Variants in TRMT44 observed in about 807,000 individuals in gnomAD.
TRMT44 encodes probable tRNA (uracil-O(2)-)-methyltransferase.
TRMT44 carries 78 observed loss-of-function variants against 77.3 expected under a neutral mutation model. That is an observed-to-expected ratio of 1.01 (90% CI 0.84 to 1.22). The LOEUF is 1.22. TRMT44 is among the 50% of genes most tolerant of loss of function. The pLI is 0.00. For synonymous variants in TRMT44, 391 were observed against 383.3 expected (o/e 1.02, Z -0.23); for missense variants, 1,090 against 964.4 (o/e 1.13, Z -1.73).
downstream of TRMT44, among the ~76,000 whole-genome samples, chr4:8,498,481 A>C (rs1728214373): frequency 6.6e-6 from 1 of 152,210 alleles, no homozygotes; most frequent in African/African-American, 2.4e-5. The surrounding 1 kb of genome is among the most constrained non-coding windows in gnomAD (Gnocchi z 4.3). Flanking sequence ...GGAGACTTAC[A>C]ATCATGGCGG....
At chr4:8,491,488 G>A (rs769223683) in intron 2 of TRMT44, among the ~76,000 whole-genome samples, 7 of 152,330 alleles carry the variant, frequency 4.6e-5, no homozygotes, top group Non-Finnish European at 5.9e-5. Flanking sequence ...GGCTCGGGCC[G>A]CACAGGAGCC....
chr4:8,472,137 G>A (rs1317953403), intron 10 of TRMT44, among the ~76,000 whole-genome samples: 1 of 152,028 alleles, frequency 6.6e-6, no homozygotes, highest in Non-Finnish European at 1.5e-5. Context: ...TCACCACCAT[G>A]CCCTAAGCAC....
chr4:8,471,774 C>T (rs945309071), intron 10 of TRMT44, among the ~76,000 whole-genome samples: 4 of 152,222 alleles, frequency 2.6e-5, no homozygotes, highest in African/African-American at 7.2e-5. Flanking sequence ...GCCCTCCACC[C>T]GCTTGTCCAT....
intron 6 of TRMT44, among the ~76,000 whole-genome samples, chr4:8,458,404 C>T (rs13132875): frequency 0.06 from 9,029 of 151,638 alleles, 316 homozygotes; most frequent in Middle Eastern, 0.11. Flanking sequence ...TTGTGATGGT[C>T]GGTCCACTTC....
intron 2 of TRMT44, among the ~76,000 whole-genome samples, chr4:8,488,475 G>T (rs187453175): frequency 1.3e-5 from 2 of 152,244 alleles, no homozygotes. Flanking sequence ...AAGGTGCTCC[G>T]TGGGGAAGCT....
At chr4:8,507,176 G>A in the TRMT44 span, 23 of 152,274 alleles carry the variant, frequency 1.5e-4, no homozygotes, top group African/African-American at 5.3e-4. Flanking sequence ...GGCCGGCTCC[G>A]AGCAGGCACA....
At chr4:8,456,660 T>C (rs1579054782) in intron 6 of TRMT44, among the ~76,000 whole-genome samples, 1 of 152,144 alleles carries the variant, frequency 6.6e-6, no homozygotes, top group South Asian at 2.1e-4. Flanking sequence ...GGTTGCAGGA[T>C]TGCTACAAGA....
chr4:8,470,875 G>A lies in TRMT44; in HGVS notation c.1928-209G>A, dbSNP rs368911687. 2.1e-4 allele frequency: 103 copies of A among 498,666 alleles called. No homozygotes were observed. The East Asian group carries it at 2.3e-3, about 11-fold the overall frequency. The allele number at this position is 498,666 out of a possible 1,614,324, so 30.9% of individuals were successfully genotyped here. A position where few individuals can be genotyped will look rare whatever the true frequency, so the allele number is the denominator to read the frequency against. ...GCATGTGTGGGGCTGCGTCTTGTCA[G>A]GCTGTGCCACCTTAGCTGGGTGGGG... On this transcript the variant is annotated intron_variant, in intron 9 of 10. Transcript: ENST00000389737.
At chr4:8,497,324 GT>G (rs1347142029), downstream of TRMT44, among the ~76,000 whole-genome samples, 1 of 152,200 alleles carries the variant, frequency 6.6e-6, no homozygotes, top group Non-Finnish European at 1.5e-5. Context: ...AACTGCTTTT[GT>G]TTTGCTTTTG....
chr4:8,513,162 C>A, the TRMT44 span, among the ~76,000 whole-genome samples: 1 of 152,218 alleles, frequency 6.6e-6, no homozygotes, highest in Non-Finnish European at 1.5e-5. Context: ...AAAGAAATAC[C>A]TGAGACTGGG....
chr4:8,450,635 G>A (rs764890367), intron 3 of TRMT44, among the ~76,000 whole-genome samples: 1 of 152,062 alleles, frequency 6.6e-6, no homozygotes, highest in African/African-American at 2.4e-5. Context: ...GGGAAGTCAG[G>A]GACCCCGAAT....
At chr4:8,505,116 GC>G in the TRMT44 span, among the ~76,000 whole-genome samples, 2 of 152,180 alleles carry the variant, frequency 1.3e-5, no homozygotes, top group Non-Finnish European at 2.9e-5. Context: ...TACACTGAGG[GC>G]CCTGGCAGCC....
At chr4:8,455,993 A>G in intron 6 of TRMT44, among the ~76,000 whole-genome samples, 1 of 152,244 alleles carries the variant, frequency 6.6e-6, no homozygotes, top group East Asian at 1.9e-4. Context: ...ATACTAGTCT[A>G]TTTTACCATT....
At chr4:8,470,827 G>A (rs1295398672) in intron 9 of TRMT44, 2 of 346,630 alleles carry the variant, frequency 5.8e-6, no homozygotes, top group Non-Finnish European at 1.1e-5. Context: ...ATCACCTGAC[G>A]CCTGGCCCTG....
At chr4:8,479,856 C>T (rs562564410), downstream of TRMT44, among the ~76,000 whole-genome samples, 3 of 152,168 alleles carry the variant, frequency 2.0e-5, no homozygotes, top group African/African-American at 7.2e-5. Flanking sequence ...CATCGTACAG[C>T]TGTACAAAAA....
intron 1 of TRMT44, among the ~76,000 whole-genome samples, chr4:8,445,853 T>A (rs1725023675): frequency 6.6e-6 from 1 of 152,224 alleles, no homozygotes; most frequent in African/African-American, 2.4e-5. Flanking sequence ...TTTTTTTTAA[T>A]ATCAAAGGTA....
intron 6 of TRMT44, among the ~76,000 whole-genome samples, chr4:8,456,152 T>C (rs1159982601): frequency 2.6e-5 from 4 of 152,224 alleles, no homozygotes; most frequent in Non-Finnish European, 5.9e-5. Flanking sequence ...TGAAACTAAC[T>C]GTAGTCCATT....
chr4:8,450,792 GT>G (rs59875098), intron 3 of TRMT44, among the ~76,000 whole-genome samples: 350 of 96,658 alleles, frequency 3.6e-3, no homozygotes, highest in Non-Finnish European at 4.8e-3. Context: ...TCATTTCCAT[GT>G]TTTTTTTTTT....
At chr4:8,454,231 C>T (rs1449013190) in intron 5 of TRMT44, among the ~76,000 whole-genome samples, 4 of 151,184 alleles carry the variant, frequency 2.6e-5, no homozygotes, top group Admixed American at 1.3e-4. Context: ...CTAAAGGCCA[C>T]TGTGGTCACT....
Sources: allele counts gnomAD v4.1 joint callset (sites outside exome capture counted in the v4.1 genomes callset), GRCh38; gene constraint gnomAD v4.1.1; non-coding constraint Gnocchi (gnomAD v3.1); transcripts MANE v1.5; gene names NCBI Gene and HGNC (gene_info 2026-07-23, HGNC 2026-07-21).